Variants in CTIF observed in about 807,000 individuals in gnomAD.
CTIF encodes CBP80/20-dependent translation initiation factor.
Under a neutral mutation model 66.0 loss-of-function variants are expected in CTIF, and 21 were observed. The ratio of observed to expected loss-of-function variants is 0.32; its 90% CI spans 0.23 to 0.46. The LOEUF (loss-of-function observed/expected upper bound fraction) is 0.46, where lower values mean the gene tolerates loss of function less well. Ranked by LOEUF, CTIF falls within the 20% of genes least tolerant of loss-of-function variation. The probability of loss-of-function intolerance (pLI) is 1.00; values close to 1 mark genes in which losing one functional copy is unlikely to be tolerated. For synonymous variants in CTIF, 345 were observed against 326.4 expected (o/e 1.06, Z -0.62); for missense variants, 739 against 812.7 (o/e 0.91, Z 1.10).
At chr18:48,651,817 C>A (rs969698492) in intron 3 of CTIF, among the ~76,000 whole-genome samples, 3 of 152,348 alleles carry the variant, frequency 2.0e-5, no homozygotes, top group African/African-American at 7.2e-5. Flanking sequence ...GAAACTCACT[C>A]AAAACCACAC....
chr18:48,685,765 C>T (rs1320454543), intron 6 of CTIF, among the ~76,000 whole-genome samples: 3 of 152,054 alleles, frequency 2.0e-5, no homozygotes, highest in South Asian at 2.1e-4. Flanking sequence ...CAACCTCTGC[C>T]TCCTGGGTTC....
chr18:48,826,761 A>G (rs1012557996), intron 10 of CTIF: 4 of 152,262 alleles, frequency 2.6e-5, no homozygotes, highest in African/African-American at 4.8e-5. Context: ...GTTTGAGACA[A>G]TGCTTCTTAT....
intron 10 of CTIF, chr18:48,826,658 G>A (rs577210014): frequency 7.2e-5 from 11 of 152,260 alleles, no homozygotes; most frequent in South Asian, 4.1e-4. Context: ...TCAGTCTTTC[G>A]TTGCTACCTG....
intron 9 of CTIF, among the ~76,000 whole-genome samples, chr18:48,812,640 G>A (rs1334118678): frequency 2.0e-5 from 3 of 151,822 alleles, no homozygotes; most frequent in Admixed American, 2.0e-4. Flanking sequence ...TGTAGTCCCA[G>A]CTACTCAGGA....
chr18:48,768,797 C>G (rs1464521732), intron 9 of CTIF, among the ~76,000 whole-genome samples: 2 of 152,022 alleles, frequency 1.3e-5, no homozygotes, highest in Admixed American at 1.3e-4. Context: ...CCCAGCTACT[C>G]CAGAGGCTGA....
chr18:48,830,998 G>C (rs1286915972), intron 10 of CTIF, among the ~76,000 whole-genome samples: 1 of 152,236 alleles, frequency 6.6e-6, no homozygotes, highest in Non-Finnish European at 1.5e-5. Context: ...CCTAGACTGA[G>C]CAAAGCCAGA....
At chr18:48,839,725 T>C (rs534511746) in intron 10 of CTIF, among the ~76,000 whole-genome samples, 1 of 152,310 alleles carries the variant, frequency 6.6e-6, no homozygotes, top group South Asian at 2.1e-4. Flanking sequence ...CATAAATCTA[T>C]AAGGCCAGGA....
intron 7 of CTIF, among the ~76,000 whole-genome samples, chr18:48,745,072 T>C (rs2092585513): frequency 6.6e-6 from 1 of 152,172 alleles, no homozygotes; most frequent in African/African-American, 2.4e-5. Flanking sequence ...TCCGCCTGCC[T>C]CGGCCTCCCA....
intron 6 of CTIF, among the ~76,000 whole-genome samples, chr18:48,681,233 G>T (rs8097566): frequency 6.6e-6 from 1 of 152,234 alleles, no homozygotes; most frequent in Admixed American, 6.5e-5. Flanking sequence ...ATACAGCCAG[G>T]GGGGCTGGGG....
intron 2 of CTIF, among the ~76,000 whole-genome samples, chr18:48,622,028 G>A (rs1348700447): frequency 1.3e-5 from 2 of 152,202 alleles, no homozygotes; most frequent in Non-Finnish European, 2.9e-5. Context: ...TTGCGGCCAC[G>A]AAGGTGCAGA....
chr18:48,743,534 A>G (rs544531035), intron 7 of CTIF, among the ~76,000 whole-genome samples: 15 of 152,334 alleles, frequency 9.8e-5, no homozygotes, highest in Middle Eastern at 6.8e-3. Flanking sequence ...CCACAGTGTA[A>G]TGGTAATATG....
chr18:48,658,504 G>A (rs2091283177), intron 3 of CTIF, among the ~76,000 whole-genome samples: 1 of 151,984 alleles, frequency 6.6e-6, no homozygotes, highest in African/African-American at 2.4e-5. Flanking sequence ...GCATGTATGT[G>A]TGTAGTATAT....
Position 48,774,853 on chromosome 18 carries a change from G to A in CTIF, c.1371+13164G>A, listed in dbSNP as rs571874539. On this transcript the variant is annotated intron_variant, in intron 9 of 11. Transcript: ENST00000256413. ...AGACTCCAGCTAAAGCTGGTGAATAGCTATAATCGGAATAAGTGCATTCTT... is the reference window on the plus strand; with the variant it reads ...AGACTCCAGCTAAAGCTGGTGAATAACTATAATCGGAATAAGTGCATTCTT... Among the ~76,000 whole-genome samples the A allele has an allele frequency of 1.4e-3, 209 of 152,304 alleles. 1 individual carries two copies. Among genetic ancestry groups the A allele is most frequent in the African/African-American group, 4.5e-3 (189 of 41,560 alleles).
In CTIF at chr18:48,762,999, C is replaced by T. The variant is rs575833305; in HGVS notation, c.1371+1310C>T. The stretch of plus-strand genomic sequence containing the variant: ...CCTGATCAGGTTCCCATTCCTGGAT[C>T]GCCCGCACTCCCCTGGTGACGAATT... On this transcript the variant is annotated intron_variant, in intron 9 of 11. Transcript: ENST00000256413. Among the ~76,000 whole-genome samples the T allele has an allele frequency of 1.3e-5, 2 of 152,344 alleles. 1 individual carries two copies. Among genetic ancestry groups the T allele is most frequent in the South Asian group, 4.1e-4 (2 of 4,828 alleles).
chr18:48,638,129 A>G (rs12455614), intron 3 of CTIF, among the ~76,000 whole-genome samples: 1,967 of 152,098 alleles, frequency 0.013, 68 homozygotes, highest in East Asian at 0.088. Flanking sequence ...CTTTTGGTCT[A>G]GGCCCTGCTC....
intron 3 of CTIF, among the ~76,000 whole-genome samples, chr18:48,637,876 T>C (rs192654854): frequency 2.6e-5 from 4 of 152,286 alleles, no homozygotes; most frequent in Admixed American, 2.0e-4. Flanking sequence ...CTCTTCCTTC[T>C]TGGGTCTCAG....
intron 9 of CTIF, among the ~76,000 whole-genome samples, chr18:48,783,121 C>A (rs1235693399): frequency 1.3e-5 from 2 of 152,202 alleles, no homozygotes; most frequent in African/African-American, 4.8e-5. Flanking sequence ...AGGCTGATGT[C>A]TTAGCTGGGA....
chr18:48,744,723 C>CTTATTCATAT (rs1326498188), intron 7 of CTIF, among the ~76,000 whole-genome samples: 1 of 152,076 alleles, frequency 6.6e-6, no homozygotes, highest in African/African-American at 2.4e-5. Flanking sequence ...GTCTGTAGAC[C>CTTATTCATAT]TTATTCATAT....
intron 9 of CTIF, among the ~76,000 whole-genome samples, chr18:48,796,052 A>G (rs7237630): frequency 0.18 from 27,936 of 152,092 alleles, 2,711 homozygotes; most frequent in East Asian, 0.33. Flanking sequence ...CTGGAGTGCA[A>G]TGGCATGATC....
Sources: gnomAD v4.1 joint callset for allele counts (sites outside exome capture counted in the v4.1 genomes callset) on GRCh38, gnomAD v4.1.1 for gene constraint, MANE v1.5 for transcripts, NCBI Gene and HGNC (gene_info 2026-07-23, HGNC 2026-07-21) for gene names.